Variants in TLK2 observed in about 807,000 individuals in gnomAD.
TLK2 encodes the protein serine/threonine-protein kinase tousled-like 2.
TLK2 carries 6 observed loss-of-function variants against 117.3 expected under a neutral mutation model. The ratio of observed to expected loss-of-function variants is 0.05; its 90% CI spans 0.03 to 0.10. TLK2 has a LOEUF of 0.10. Among genes scored for constraint, TLK2 ranks in the 10% least tolerant of loss-of-function variants. The pLI is 1.00. For synonymous variants in TLK2, 257 were observed against 316.7 expected (o/e 0.81, Z 2.00); for missense variants, 299 against 901.2 (o/e 0.33, Z 8.56).
At chr17:62,499,744 G>A (rs2074029326) in intron 2 of TLK2, among the ~76,000 whole-genome samples, 1 of 151,770 alleles carries the variant, frequency 6.6e-6, no homozygotes, top group Non-Finnish European at 1.5e-5. Flanking sequence ...CCAGCTACTC[G>A]GGAGGCTGAG....
In TLK2 at chr17:62,516,560, A is replaced by G. The variant is rs537831117; in HGVS notation, c.82-4213A>G. 105 of 1,609,208 alleles carry G rather than the reference A, an allele frequency of 6.5e-5. No individual in the cohort carries two copies. The African/African-American group carries it at 1.1e-3, about 18-fold the overall frequency. On this transcript the variant is annotated intron_variant, in intron 2 of 21. Transcript: ENST00000346027. ...TACTGGATACACTCATTGGTAAGGT[A>G]CCAGTAGAAATGTCTCCAGGCAAAG...
chr17:62,479,921 C>T lies in TLK2; in HGVS notation c.-6+631C>T, dbSNP rs1215068546. ...GCAGGGCAAGACGCGAGGAAGGCCA[C>T]GGGGGAAACTCATTCTCCCAGTCTC... On this transcript the variant is annotated intron_variant, in intron 1 of 21. Transcript: ENST00000346027. Among the ~76,000 whole-genome samples the T allele has an allele frequency of 2.0e-5, 3 of 152,190 alleles. No individual in the cohort carries two copies. In the East Asian group the frequency reaches 5.8e-4, roughly 29 times the overall value.
At position 62,547,492 on chromosome 17, in the gene TLK2, CAT is replaced by C. The variant is rs534443980; in HGVS notation, c.532-4809_532-4808del. 1.3e-3 allele frequency among the ~76,000 whole-genome samples: 202 copies of C among 152,242 alleles called. 1 individual carries two copies. The highest frequency in any genetic ancestry group is 3.4e-3 in the Middle Eastern group (1 of 294). On this transcript the variant is annotated intron_variant, in intron 7 of 21. Coordinates refer to ENST00000346027, the MANE Select transcript of TLK2 (RefSeq NM_006852.6). Reference sequence around the variant, plus strand: ...TCTCTAACGGATCTGAGCATTGTCACATGAGATCCCTATATTGTGTAGTACCT... The same window carrying C: ...TCTCTAACGGATCTGAGCATTGTCACGAGATCCCTATATTGTGTAGTACCT...
chr17:62,553,334 CTG>C (rs1401650378), intron 8 of TLK2: 10 of 224,056 alleles, frequency 4.5e-5, no homozygotes, highest in South Asian at 3.8e-4. Flanking sequence ...GTCAAGTCTC[CTG>C]TGAGATCCTT....
intron 6 of TLK2, among the ~76,000 whole-genome samples, chr17:62,532,424 G>A (rs913610360): frequency 6.6e-6 from 1 of 152,104 alleles, no homozygotes; most frequent in Non-Finnish European, 1.5e-5. Flanking sequence ...CAGGTGTTCT[G>A]GAGCCTGGGT....
intron 2 of TLK2, among the ~76,000 whole-genome samples, chr17:62,517,487 C>A (rs188617207): frequency 6.6e-6 from 1 of 152,134 alleles, no homozygotes; most frequent in Non-Finnish European, 1.5e-5. Flanking sequence ...CTCCACCTTC[C>A]GGGTTCACGC....
At chr17:62,546,341 A>ACTGTTTTTTTTTTTTTTT (rs2077914785) in intron 7 of TLK2, among the ~76,000 whole-genome samples, 1 of 8,866 alleles carries the variant, frequency 1.1e-4, no homozygotes. Context: ...GAGTTTGTTG[A>ACTGTTTTTTTTTTTTTTT]TTGTTTTTTT....
intron 12 of TLK2, among the ~76,000 whole-genome samples, chr17:62,576,362 C>T (rs1178630906): frequency 1.3e-5 from 2 of 152,062 alleles, no homozygotes; most frequent in East Asian, 1.9e-4. Context: ...ATTGTTTTGC[C>T]CTCTAAAAAA....
At chr17:62,485,467 T>C (rs1319703109) in intron 2 of TLK2, among the ~76,000 whole-genome samples, 1 of 152,222 alleles carries the variant, frequency 6.6e-6, no homozygotes, top group South Asian at 2.1e-4. Context: ...TCATTACCTA[T>C]ATTTAGGTTT....
At chr17:62,483,336 G>A (rs572320893) in intron 2 of TLK2, among the ~76,000 whole-genome samples, 27 of 152,328 alleles carry the variant, frequency 1.8e-4, no homozygotes, top group African/African-American at 6.3e-4. Flanking sequence ...TAGGGCATAA[G>A]TGATAAGAAT....
chr17:62,474,367 C>T (rs1336197886), upstream of TLK2, among the ~76,000 whole-genome samples: 4 of 151,334 alleles, frequency 2.6e-5, no homozygotes, highest in Non-Finnish European at 5.9e-5. Flanking sequence ...CATGAGCCAC[C>T]GCGCCCGGCC....
intron 7 of TLK2, among the ~76,000 whole-genome samples, chr17:62,547,746 A>G: frequency 6.6e-6 from 1 of 152,198 alleles, no homozygotes; most frequent in East Asian, 1.9e-4. Flanking sequence ...CCCATATACC[A>G]TATATCAAGA....
intron 2 of TLK2, among the ~76,000 whole-genome samples, chr17:62,499,836 A>G (rs367785184): frequency 1.3e-5 from 2 of 151,834 alleles, no homozygotes; most frequent in Admixed American, 6.6e-5. Flanking sequence ...GGGCGACAGA[A>G]CGAGACTCAG....
intron 2 of TLK2, among the ~76,000 whole-genome samples, chr17:62,499,849 TA>T (rs771994863): frequency 3.1e-3 from 424 of 136,646 alleles, no homozygotes; most frequent in Middle Eastern, 7.2e-3. Context: ...AGACTCAGTC[TA>T]AAAAAAAAAA....
intron 20 of TLK2, 101 bp from the exon 21 acceptor site, chr17:62,607,940 A>G: frequency 1.0e-6 from 1 of 963,602 alleles, no homozygotes; most frequent in Non-Finnish European, 1.5e-6. Context: ...AGCAATTCAA[A>G]TTAGAAGATG....
chr17:62,562,008 T>C (rs1265170839), intron 10 of TLK2, among the ~76,000 whole-genome samples: 1 of 152,218 alleles, frequency 6.6e-6, no homozygotes, highest in African/African-American at 2.4e-5. Flanking sequence ...ATCTACTTAC[T>C]GACTTTCTAA....
At chr17:62,584,595 A>C (rs1397199097) in intron 15 of TLK2, among the ~76,000 whole-genome samples, 4 of 152,144 alleles carry the variant, frequency 2.6e-5, no homozygotes, top group Admixed American at 2.6e-4. Context: ...TGGGAAGATT[A>C]CTTGAGGCCA....
chr17:62,512,313 C>G (rs1022531820), intron 2 of TLK2, among the ~76,000 whole-genome samples: 1 of 149,718 alleles, frequency 6.7e-6, no homozygotes, highest in Admixed American at 6.8e-5. Flanking sequence ...ACCTCTGCCC[C>G]CTGGGTTCAA....
intron 7 of TLK2, among the ~76,000 whole-genome samples, chr17:62,540,077 TTTC>T (rs1054896907): frequency 3.3e-5 from 5 of 150,314 alleles, no homozygotes; most frequent in Non-Finnish European, 7.4e-5. Context: ...TCCTTTCTTC[TTTC>T]TTCTTCTTTC....
Sources: gnomAD v4.1 joint callset for allele counts (sites outside exome capture counted in the v4.1 genomes callset) on GRCh38, gnomAD v4.1.1 for gene constraint, MANE v1.5 for transcripts, NCBI Gene and HGNC (gene_info 2026-07-23, HGNC 2026-07-21) for gene names.